PCDHA10: variants seen among roughly 807,000 people sequenced by gnomAD.
PCDHA10 encodes the protein protocadherin alpha-10.
In PCDHA10, 45 loss-of-function variants were observed where a neutral mutation model predicts 61.2. That is an observed-to-expected ratio of 0.74 (90% CI 0.58 to 0.94). The LOEUF is 0.94. Among genes scored for constraint, PCDHA10 ranks in the 40% least tolerant of loss-of-function variants. The probability of loss-of-function intolerance (pLI) is 0.00; values close to 1 mark genes in which losing one functional copy is unlikely to be tolerated. For synonymous variants in PCDHA10, 602 were observed against 548.8 expected (o/e 1.10, Z -1.35); for missense variants, 1,278 against 1,236.2 (o/e 1.03, Z -0.51).
chr5:140,873,292 T>C (rs1399834963), intron 1 of PCDHA10, among the ~76,000 whole-genome samples: 1 of 152,210 alleles, frequency 6.6e-6, no homozygotes, highest in Admixed American at 6.5e-5. Context: ...TATGAAACTT[T>C]ATAAATATAA....
At chr5:140,967,239 G>C in intron 1 of PCDHA10, 1 of 1,613,672 alleles carries the variant, frequency 6.2e-7, no homozygotes, top group Non-Finnish European at 8.5e-7. Flanking sequence ...CTTCAGGTAA[G>C]CGAATCGGTG....
At chr5:140,950,549 G>A (rs1023288540) in intron 1 of PCDHA10, among the ~76,000 whole-genome samples, 1 of 151,948 alleles carries the variant, frequency 6.6e-6, no homozygotes, top group African/African-American at 2.4e-5. Context: ...TGCATGGCTG[G>A]GGGGACACTT....
chr5:140,863,564 A>G (rs1426185409), intron 1 of PCDHA10: 3 of 374,440 alleles, frequency 8.0e-6, no homozygotes, highest in Non-Finnish European at 1.6e-5. Context: ...ATTTTTGAGA[A>G]TATAAGTACT....
intron 1 of PCDHA10, chr5:140,929,415 C>A: frequency 6.6e-7 from 1 of 1,504,268 alleles, no homozygotes; most frequent in Non-Finnish European, 8.9e-7. Context: ...CCTTTCACAA[C>A]ATTTCATCAA....
intron 3 of PCDHA10, among the ~76,000 whole-genome samples, chr5:140,986,469 T>G (rs2097202307): frequency 6.6e-6 from 1 of 152,214 alleles, no homozygotes; most frequent in Non-Finnish European, 1.5e-5. Context: ...TGCCCTCTTG[T>G]GATCAGTTCC....
At chr5:140,906,933 G>A (rs1214323970) in intron 1 of PCDHA10, among the ~76,000 whole-genome samples, 2 of 152,158 alleles carry the variant, frequency 1.3e-5, no homozygotes, top group African/African-American at 4.8e-5. Flanking sequence ...GTGTCCCGGT[G>A]TCAATCTTAA....
At chr5:140,894,506 A>G (rs533835142) in intron 1 of PCDHA10, among the ~76,000 whole-genome samples, 2 of 151,922 alleles carry the variant, frequency 1.3e-5, no homozygotes, top group Non-Finnish European at 2.9e-5. Flanking sequence ...GGCATTATCC[A>G]TAGTGTTTAT....
chr5:140,877,372 A>T, intron 1 of PCDHA10: 6 of 1,613,992 alleles, frequency 3.7e-6, no homozygotes, highest in Non-Finnish European at 5.1e-6. Flanking sequence ...GATCAGCACG[A>T]CACGCATCCT....
At chr5:140,920,923 G>C (rs1229531762) in intron 1 of PCDHA10, among the ~76,000 whole-genome samples, 5 of 151,200 alleles carry the variant, frequency 3.3e-5, no homozygotes, top group African/African-American at 1.2e-4. Flanking sequence ...TCCAAGAGTA[G>C]GTGATCTAGC....
chr5:140,960,120 C>A (rs2095527331), intron 1 of PCDHA10, among the ~76,000 whole-genome samples: 1 of 152,118 alleles, frequency 6.6e-6, no homozygotes, highest in African/African-American at 2.4e-5. Context: ...AATAGTATTC[C>A]TTATGAAATA....
intron 1 of PCDHA10, among the ~76,000 whole-genome samples, chr5:140,903,821 A>G (rs2153482193): frequency 6.6e-6 from 1 of 152,320 alleles, no homozygotes. Context: ...TCTCACATGA[A>G]TGTCTGTTGG....
Position 141,010,119 on chromosome 5 carries a change from A to G in PCDHA10, c.*182A>G. 6.2e-7 allele frequency: 1 copy of G among 1,608,062 alleles called. No homozygotes were observed. On this transcript the variant is annotated 3_prime_UTR_variant, in exon 4 of 4. Transcript: ENST00000307360. ...TAACAGGTTTTGTCGTAAAAGCTTT[A>G]CTAAGTCTGGTGTTAACTCTTTCTC...
In PCDHA10 at chr5:140,876,240, A is replaced by G. The variant is rs375639572; in HGVS notation, c.2388+17804A>G. 7.0e-5 allele frequency: 113 copies of G among 1,613,906 alleles called. No homozygotes were observed. The highest frequency in any genetic ancestry group is 8.3e-5 in the Admixed American group (5 of 60,008). Reference sequence around the variant, plus strand: ...AAGTAGTGTTGTCTGAAAATGTCCAAAACGACACAAGAGTGATCCAACTAA... The same window carrying G: ...AAGTAGTGTTGTCTGAAAATGTCCAGAACGACACAAGAGTGATCCAACTAA... On this transcript the variant is annotated intron_variant, in intron 1 of 3. Coordinates refer to ENST00000307360, the MANE Select transcript of PCDHA10 (RefSeq NM_018901.4).
intron 1 of PCDHA10, chr5:140,865,929 A>G (rs2049057617): frequency 6.6e-6 from 1 of 152,198 alleles, no homozygotes; most frequent in South Asian, 2.1e-4. Flanking sequence ...TGCTTAGAAG[A>G]AACTTCATGA....
At chr5:140,888,956 G>T (rs1043287613) in intron 1 of PCDHA10, among the ~76,000 whole-genome samples, 2 of 151,722 alleles carry the variant, frequency 1.3e-5, no homozygotes, top group Non-Finnish European at 2.9e-5. Flanking sequence ...TTTTTCTTTG[G>T]CAATGTTAAT....
At chr5:140,914,809 T>G (rs532202561) in intron 1 of PCDHA10, among the ~76,000 whole-genome samples, 21 of 152,314 alleles carry the variant, frequency 1.4e-4, no homozygotes, top group African/African-American at 5.1e-4. Flanking sequence ...TGATGGCAAC[T>G]TAACAGACTG....
chr5:140,968,221 T>C, intron 1 of PCDHA10: 1 of 1,613,918 alleles, frequency 6.2e-7, no homozygotes, highest in Admixed American at 1.7e-5. Context: ...ATTTGCCAGG[T>C]GTGTTGCTCT....
chr5:140,905,163 G>A (rs782288723), intron 1 of PCDHA10, among the ~76,000 whole-genome samples: 30 of 152,274 alleles, frequency 2.0e-4, no homozygotes, highest in African/African-American at 7.0e-4. Flanking sequence ...AATTTTCATG[G>A]TTTCAGGTTT....
At chr5:140,885,736 C>T (rs1457106867) in intron 1 of PCDHA10, among the ~76,000 whole-genome samples, 1 of 152,060 alleles carries the variant, frequency 6.6e-6, no homozygotes, top group African/African-American at 2.4e-5. Context: ...AATGATATTT[C>T]ACTGTTACTT....
Sources: gnomAD v4.1 joint callset for allele counts (sites outside exome capture counted in the v4.1 genomes callset) on GRCh38, gnomAD v4.1.1 for gene constraint, MANE v1.5 for transcripts, NCBI Gene and HGNC (gene_info 2026-07-23, HGNC 2026-07-21) for gene names.